Variants in MEFV observed in about 807,000 individuals in gnomAD.
MEFV encodes the protein pyrin.
MEFV carries 60 observed loss-of-function variants against 62.5 expected under a neutral mutation model. The observed-to-expected ratio is 0.96, with a 90% CI of 0.78 to 1.19. The LOEUF (loss-of-function observed/expected upper bound fraction) is 1.19, where lower values mean the gene tolerates loss of function less well. Ranked by LOEUF, MEFV falls within the 50% of genes most tolerant of loss-of-function variation. The probability of loss-of-function intolerance (pLI) is 0.00; values close to 1 mark genes in which losing one functional copy is unlikely to be tolerated. For synonymous variants in MEFV, 500 were observed against 415.2 expected, an observed-to-expected ratio of 1.20 and a Z score of -2.48; for missense variants, 1,169 against 1,004.5, an observed-to-expected ratio of 1.16 and a Z score of -2.21.
intron 3 of MEFV, 113 bp from the exon 4 acceptor site, chr16:3,249,117 C>G: frequency 9.2e-7 from 1 of 1,091,294 alleles, no homozygotes; most frequent in South Asian, 1.3e-5. Context: ...GGTGCTGCTG[C>G]CAGCGGCATG....
In MEFV at chr16:3,248,977, G is replaced by A; in HGVS notation, c.1288C>T (p.Leu430=). ...TCCCCTGATTTTCTCAGCTTCTTCA[G>A]ATGCTCCAGCTGCTTCTGAATTTTC... ...KKKIQKQLEH[L]KKLRKSGEEQ... Residue 430 remains leucine, a synonymous_variant, in exon 4 of 10, where the codon CTG becomes TTG. Coordinates refer to ENST00000219596, the MANE Select transcript of MEFV (RefSeq NM_000243.3). 1 of 1,614,210 alleles carries A rather than the reference G, an allele frequency of 6.2e-7. No individual in the cohort carries two copies. The highest frequency in any genetic ancestry group is 1.1e-5 in the South Asian group (1 of 91,090).
intron 2 of MEFV, among the ~76,000 whole-genome samples, chr16:3,250,022 AT>A (rs1339625578): frequency 9.8e-5 from 15 of 152,336 alleles, no homozygotes; most frequent in Non-Finnish European, 2.1e-4. Flanking sequence ...TTGGGCATTT[AT>A]CCTAAAGAAA....
intron 2 of MEFV, among the ~76,000 whole-genome samples, chr16:3,253,581 T>A (rs1220107393): frequency 1.3e-5 from 2 of 152,166 alleles, no homozygotes; most frequent in Non-Finnish European, 2.9e-5. Flanking sequence ...TGGCACATCC[T>A]CAGCTCACTG....
chr16:3,243,549 C>CG lies in MEFV; in HGVS notation c.1937dup (p.Ser647GlufsTer52). Reference sequence around the variant, plus strand: ...AGTAACGGCGGCCAGAGAGGAAACTCGGAGAGCCCAGAACAATGATACAGC... The same window carrying CG: ...AGTAACGGCGGCCAGAGAGGAAACTCGGGAGAGCCCAGAACAATGATACAGC... On this transcript the variant is annotated frameshift_variant, in exon 10 of 10. Coordinates refer to ENST00000219596, the MANE Select transcript of MEFV (RefSeq NM_000243.3). LOFTEE classifies it low-confidence loss of function (END_TRUNC). 6.2e-7 allele frequency: 1 copy of CG among 1,613,534 alleles called. No individual in the cohort carries two copies. The highest frequency in any genetic ancestry group is 8.5e-7 in the Non-Finnish European group (1 of 1,179,700).
At chr16:3,252,149 A>G (rs868416990) in intron 2 of MEFV, 2 of 190,114 alleles carry the variant, frequency 1.1e-5, no homozygotes, top group African/African-American at 4.7e-5. Context: ...TAAGGATGCT[A>G]GGTTTTCCAG....
At chr16:3,250,976 G>A (rs8048514) in intron 2 of MEFV, among the ~76,000 whole-genome samples, 20,674 of 141,044 alleles carry the variant, frequency 0.15, 3,800 homozygotes, top group African/African-American at 0.43. Flanking sequence ...GTGAGCTGAA[G>A]TTGCGCCACT....
rs772332566 is a variant in MEFV, at chr16:3,254,770, C to T, written c.298G>A (p.Gly100Ser). Residue 100 changes from glycine to serine, a missense_variant, in exon 2 of 10, where the codon GGC becomes AGC. Gly to Ser is a moderately conservative substitution (Grantham distance 56). Transcript: ENST00000219596. The part of the protein sequence containing the change: ...AIQEYSTQEN[G>S]TDDSAASSSL... ...CTGGACGCTGCGGAATCATCTGTGCCGTTTTCTTGTGTGGAATATTCTGGA... is the reference window on the plus strand; with the variant it reads ...CTGGACGCTGCGGAATCATCTGTGCTGTTTTCTTGTGTGGAATATTCTGGA... 1.2e-6 allele frequency: 2 copies of T among 1,612,182 alleles called. No individual in the cohort carries two copies. Among genetic ancestry groups the T allele is most frequent in the South Asian group, 1.1e-5 (1 of 91,088 alleles).
rs754927308 is a variant in MEFV at position 3,244,294 on chromosome 16, G to T, written c.1727-8C>A. 1 of 1,614,086 alleles carries T rather than the reference G, an allele frequency of 6.2e-7. No individual in the cohort carries two copies. The highest frequency in any genetic ancestry group is 8.5e-7 in the Non-Finnish European group (1 of 1,180,018). ...TTTCTGAACGCAGGGTTTCTAAAATGTGGGAAAGGGAGCAGAGAGAAGCTG... is the reference window on the plus strand; with the variant it reads ...TTTCTGAACGCAGGGTTTCTAAAATTTGGGAAAGGGAGCAGAGAGAAGCTG... On this transcript the variant is annotated splice_region_variant and splice_polypyrimidine_tract_variant and intron_variant, in intron 7 of 9. Transcript: ENST00000219596.
At chr16:3,253,121 G>C (rs1959061405) in intron 2 of MEFV, among the ~76,000 whole-genome samples, 1 of 151,786 alleles carries the variant, frequency 6.6e-6, no homozygotes, top group Non-Finnish European at 1.5e-5. Flanking sequence ...AAAAAATCCA[G>C]ATGGCCTGGA....
intron 2 of MEFV, among the ~76,000 whole-genome samples, chr16:3,251,617 T>A (rs1359433286): frequency 6.4e-4 from 97 of 152,328 alleles, no homozygotes; most frequent in African/African-American, 2.2e-3. Context: ...AGTAGATAGT[T>A]AGGACTTTAG....
chr16:3,255,210 G>A (rs1959099066), intron 1 of MEFV, among the ~76,000 whole-genome samples: 1 of 152,070 alleles, frequency 6.6e-6, no homozygotes, highest in Admixed American at 6.5e-5. Flanking sequence ...CCAGCTACTC[G>A]GGAGGCTGAG....
In MEFV at chr16:3,245,144, C is replaced by T. The variant is rs117262513; in HGVS notation, c.1611-556G>A. 8.6e-3 allele frequency among the ~76,000 whole-genome samples: 1,309 copies of T among 152,032 alleles called. 32 individuals are homozygous for T. The East Asian group carries it at 0.1, about 12-fold the overall frequency. On this transcript the variant is annotated intron_variant, in intron 6 of 9. Coordinates refer to ENST00000219596, the MANE Select transcript of MEFV (RefSeq NM_000243.3). ...TCTATTAAAAATACAAAAAAGTAGC[C>T]GGAAGTGGTAGCACATGCCTGTAGT...
At chr16:3,252,222 T>C (rs751610328) in intron 2 of MEFV, among the ~76,000 whole-genome samples, 5 of 151,548 alleles carry the variant, frequency 3.3e-5, no homozygotes, top group Non-Finnish European at 7.4e-5. Context: ...TCATGCAGCA[T>C]ACCACATCCT....
At position 3,254,700 on chromosome 16, in the gene MEFV, T is replaced by C. The variant is rs774737550; in HGVS notation, c.368A>G (p.His123Arg). The change falls in exon 2 of 10, where the codon CAC becomes CGC. Residue 123 changes from histidine to arginine, a missense_variant. His to Arg is a conservative substitution (Grantham distance 29, BLOSUM62 0). Coordinates refer to ENST00000219596, the MANE Select transcript of MEFV (RefSeq NM_000243.3). Reference protein sequence around the residue: ...NKPRSLKTPDHPEGNEGNGPR... With the variant: ...NKPRSLKTPDRPEGNEGNGPR... ...GCCGTTCCCCTCGTTCCCCTCGGGGTGGTCTGGAGTCTTCAGGCTCCTGGG... is the reference window on the plus strand; with the variant it reads ...GCCGTTCCCCTCGTTCCCCTCGGGGCGGTCTGGAGTCTTCAGGCTCCTGGG... 2.5e-6 allele frequency: 4 copies of C among 1,612,378 alleles called. 1 individual carries two copies. The Admixed American group carries it at 6.7e-5, about 27-fold the overall frequency.
At chr16:3,249,126 T>C in intron 3 of MEFV, 122 bp from the exon 4 acceptor site, 1 of 978,300 alleles carries the variant, frequency 1.0e-6, no homozygotes, top group East Asian at 2.4e-5. Flanking sequence ...GCCAGCGGCA[T>C]GGGGAGGGGT....
At chr16:3,245,719 C>T (rs1166218577) in intron 6 of MEFV, among the ~76,000 whole-genome samples, 1 of 152,030 alleles carries the variant, frequency 6.6e-6, no homozygotes, top group Non-Finnish European at 1.5e-5. Context: ...CTGTGTGCTG[C>T]TGGTGGGAAT....
rs764748463 is a variant in MEFV at position 3,254,655 on chromosome 16, C to G, written c.413G>C (p.Gly138Ala). The stretch of plus-strand genomic sequence containing the variant: ...CTGGCTGCACCGCAGGCTGGCAGCT[C>G]CGCCCCCGTACGGCCGAGGGCCGTT... ...EGNGPRPYGG[G>A]AASLRCSQPE... Residue 138 changes from glycine (G) to alanine (A), a missense_variant, in exon 2 of 10, where the codon GGA becomes GCA. Gly to Ala is a moderately conservative substitution (Grantham distance 60). Transcript: ENST00000219596. 6.2e-7 allele frequency: 1 copy of G among 1,609,660 alleles called. No homozygotes were observed.
Position 3,249,725 on chromosome 16 carries a change from TG to T in MEFV, c.965del (p.Pro322GlnfsTer46), listed in dbSNP as rs1567234851. ...AATCACGCACACAGGTACCGTCAAC[TG>T]GGTCTCCTTCCTGGGCGTGGCAGCG... ...SPRCHAQEGD[P>X]VDGTCVRDSC... On this transcript the variant is annotated frameshift_variant, in exon 3 of 10. Coordinates refer to ENST00000219596, the MANE Select transcript of MEFV (RefSeq NM_000243.3). LOFTEE classifies it high-confidence loss of function. 1 of 1,614,066 alleles carries T rather than the reference TG, an allele frequency of 6.2e-7. No individual in the cohort carries two copies. The highest frequency in any genetic ancestry group is 2.2e-5 in the East Asian group (1 of 44,882).
Position 3,243,053 on chromosome 16 carries a change from G to A in MEFV, c.*88C>T. On this transcript the variant is annotated 3_prime_UTR_variant, in exon 10 of 10. Coordinates refer to ENST00000219596, the MANE Select transcript of MEFV (RefSeq NM_000243.3). Reference sequence around the variant, plus strand: ...TGTTATTTTTGCATTTCCCATAGCAGCTAGCACCTAGTCGGCATTCCGTGA... The same window carrying A: ...TGTTATTTTTGCATTTCCCATAGCAACTAGCACCTAGTCGGCATTCCGTGA... 3 of 1,449,572 alleles carry A rather than the reference G, an allele frequency of 2.1e-6. No individual in the cohort carries two copies. The highest frequency in any genetic ancestry group is 1.2e-5 in the South Asian group (1 of 86,856). The allele number at this position is 1,449,572 out of a possible 1,614,324, so 89.8% of individuals were successfully genotyped here.
Sources: gnomAD v4.1 joint callset for allele counts (sites outside exome capture counted in the v4.1 genomes callset) on GRCh38, gnomAD v4.1.1 for gene constraint, MANE v1.5 for transcripts, NCBI Gene and HGNC (gene_info 2026-07-23, HGNC 2026-07-21) for gene names.